The following SPACA7 variants were observed in gnomAD, a reference collection of about 807,000 sequenced individuals.
SPACA7 encodes sperm acrosome-associated protein 7.
A neutral mutation model predicts 26.3 loss-of-function variants in SPACA7; 19 were observed. The observed-to-expected ratio is 0.72, with a 90% CI of 0.50 to 1.06. The LOEUF is 1.06. Ranked by LOEUF, SPACA7 falls within the 50% of genes least tolerant of loss-of-function variation. SPACA7 has a pLI of 0.00. For missense variants in SPACA7, 211 were observed against 229.9 expected (o/e 0.92, Z 0.53); for synonymous variants, 84 against 84.5 (o/e 0.99, Z 0.04).
chr13:112,396,401 A>G (rs1462558761), intron 2 of SPACA7, among the ~76,000 whole-genome samples: 1 of 152,004 alleles, frequency 6.6e-6, no homozygotes, highest in Admixed American at 6.5e-5. Context: ...TTGCCCTGGG[A>G]GCCCATCTGC....
intron 5 of SPACA7, among the ~76,000 whole-genome samples, chr13:112,423,875 A>C (rs1876255574): frequency 6.6e-6 from 1 of 152,258 alleles, no homozygotes; most frequent in African/African-American, 2.4e-5. Flanking sequence ...AGAAAACAAT[A>C]GAAGTCAAAA....
At chr13:112,412,928 C>T (rs1235178100) in intron 5 of SPACA7, among the ~76,000 whole-genome samples, 1 of 152,028 alleles carries the variant, frequency 6.6e-6, no homozygotes, top group Admixed American at 6.6e-5. Context: ...ACTTTGATCA[C>T]AAAGAAAAGA....
At chr13:112,397,698 G>A (rs1325604990) in intron 2 of SPACA7, among the ~76,000 whole-genome samples, 1 of 152,216 alleles carries the variant, frequency 6.6e-6, no homozygotes, top group Non-Finnish European at 1.5e-5. Flanking sequence ...CACACGGAGG[G>A]CAGCTTTGGG....
At chr13:112,409,584 A>T (rs918950009) in intron 5 of SPACA7, among the ~76,000 whole-genome samples, 1 of 152,210 alleles carries the variant, frequency 6.6e-6, no homozygotes, top group Non-Finnish European at 1.5e-5. Flanking sequence ...TCAAAAGAAG[A>T]CATTTATGCA....
intron 2 of SPACA7, among the ~76,000 whole-genome samples, chr13:112,393,784 G>A (rs1375930023): frequency 2.0e-5 from 3 of 152,136 alleles, no homozygotes; most frequent in African/African-American, 7.2e-5. Flanking sequence ...TCAAGAGACA[G>A]AGACCATCCT....
intron 1 of SPACA7, among the ~76,000 whole-genome samples, chr13:112,384,031 A>G (rs1179813536): frequency 6.6e-6 from 1 of 152,238 alleles, no homozygotes; most frequent in Non-Finnish European, 1.5e-5. Flanking sequence ...AAATAGCTTT[A>G]AAGAAATAAG....
At chr13:112,384,915 G>A (rs1884428259) in intron 1 of SPACA7, among the ~76,000 whole-genome samples, 1 of 152,158 alleles carries the variant, frequency 6.6e-6, no homozygotes, top group South Asian at 2.1e-4. Context: ...GTTGAAGCTA[G>A]TTTATCAAAT....
chr13:112,383,088 AAG>A (rs1212190687), intron 1 of SPACA7, among the ~76,000 whole-genome samples: 1 of 95,906 alleles, frequency 1.0e-5, no homozygotes, highest in Non-Finnish European at 2.1e-5. Flanking sequence ...AAGAAAAAGA[AAG>A]AAAGAAAGAA....
At chr13:112,399,973 G>A (rs1157001060) in intron 4 of SPACA7, among the ~76,000 whole-genome samples, 3 of 152,150 alleles carry the variant, frequency 2.0e-5, no homozygotes, top group Non-Finnish European at 4.4e-5. Flanking sequence ...TCACTATCAT[G>A]AGAACAGCAA....
intron 5 of SPACA7, among the ~76,000 whole-genome samples, chr13:112,404,691 GT>G (rs58663717): frequency 0.98 from 149,713 of 152,248 alleles, 73,653 homozygotes; most frequent in East Asian, 1. Context: ...TCCACTTTAT[GT>G]TTTTTGTTTG....
At chr13:112,401,191 G>T (rs1405031155) in intron 5 of SPACA7, 27 bp downstream of exon 5, 51 of 1,555,828 alleles carry the variant, frequency 3.3e-5, no homozygotes, top group Non-Finnish European at 4.4e-5. Context: ...CACACTGAGA[G>T]CTCTGTGGGA....
In SPACA7 at chr13:112,387,505, T is replaced by C. The variant is rs78970956; in HGVS notation, c.95-5516T>C. ...CACCAGATTTGCTACCACCTAAGAC[T>C]AGTTTCACAAATCCTTTCTCCATTA... On this transcript the variant is annotated intron_variant, in intron 1 of 6. Transcript: ENST00000283550. Among the ~76,000 whole-genome samples the C allele has an allele frequency of 4.9e-3, 754 of 152,334 alleles. 4 individuals carry two copies. Among genetic ancestry groups the C allele is most frequent in the Non-Finnish European group, 9.0e-3 (609 of 68,034 alleles).
At chr13:112,401,620 A>G (rs1348755485) in intron 5 of SPACA7, among the ~76,000 whole-genome samples, 1 of 152,182 alleles carries the variant, frequency 6.6e-6, no homozygotes, top group East Asian at 1.9e-4. Context: ...CAAAATTATC[A>G]ATCTCTGACT....
chr13:112,430,777 T>C (rs920860236), intron 5 of SPACA7, among the ~76,000 whole-genome samples: 1 of 152,196 alleles, frequency 6.6e-6, no homozygotes, highest in East Asian at 1.9e-4. Context: ...AACGGGGAAA[T>C]GTTAGCATCA....
intron 1 of SPACA7, among the ~76,000 whole-genome samples, chr13:112,390,069 G>T (rs909968651): frequency 6.6e-6 from 1 of 152,080 alleles, no homozygotes; most frequent in Non-Finnish European, 1.5e-5. Flanking sequence ...GGGATTGTCT[G>T]GGTCCATAAA....
At chr13:112,401,706 G>A (rs1885654160) in intron 5 of SPACA7, among the ~76,000 whole-genome samples, 1 of 152,182 alleles carries the variant, frequency 6.6e-6, no homozygotes, top group Non-Finnish European at 1.5e-5. Context: ...TTTTCCTCCA[G>A]TATTTATAGG....
chr13:112,394,263 A>G (rs1167670206), intron 2 of SPACA7, among the ~76,000 whole-genome samples: 1 of 152,110 alleles, frequency 6.6e-6, no homozygotes, highest in Non-Finnish European at 1.5e-5. Flanking sequence ...GACTCAGAGC[A>G]TGCAGTCCTG....
rs1424375488 is a variant in SPACA7 at position 112,434,328 on chromosome 13, C to T, written c.524-157C>T. On this transcript the variant is annotated intron_variant, in intron 6 of 6. Transcript: ENST00000283550. Reference sequence around the variant, plus strand: ...CCTGACGCAGCCAGTGCCCCCCTCCCGGTCCTCCTGCCCCAGACACATCCG... The same window carrying T: ...CCTGACGCAGCCAGTGCCCCCCTCCTGGTCCTCCTGCCCCAGACACATCCG... 5.9e-5 allele frequency among the ~76,000 whole-genome samples: 9 copies of T among 152,288 alleles called. 1 individual carries two copies. The highest frequency in any genetic ancestry group is 9.6e-5 in the African/African-American group (4 of 41,562).
At chr13:112,405,897 C>T (rs1320944162) in intron 5 of SPACA7, among the ~76,000 whole-genome samples, 3 of 152,022 alleles carry the variant, frequency 2.0e-5, no homozygotes, top group South Asian at 2.1e-4. Flanking sequence ...CTTTTAGCAT[C>T]GAAAAGATAC....
Sources: gnomAD v4.1 joint callset for allele counts (sites outside exome capture counted in the v4.1 genomes callset) on GRCh38, gnomAD v4.1.1 for gene constraint, MANE v1.5 for transcripts, NCBI Gene and HGNC (gene_info 2026-07-23, HGNC 2026-07-21) for gene names.